Variants in EVI5 observed in about 807,000 individuals in gnomAD.
EVI5 encodes the protein ecotropic viral integration site 5 protein homolog.
A neutral mutation model predicts 112.0 loss-of-function variants in EVI5; 73 were observed. The observed-to-expected ratio is 0.65, with a 90% CI of 0.54 to 0.79. The LOEUF is 0.79. Among genes scored for constraint, EVI5 ranks in the 30% least tolerant of loss-of-function variants. The pLI is 0.00. For synonymous variants in EVI5, 305 were observed against 319.9 expected (o/e 0.95, Z 0.50); for missense variants, 900 against 968.8 (o/e 0.93, Z 0.94).
At chr1:92,739,226 T>G (rs1159948200) in intron 1 of EVI5, among the ~76,000 whole-genome samples, 1 of 121,540 alleles carries the variant, frequency 8.2e-6, no homozygotes, top group Non-Finnish European at 1.6e-5. Flanking sequence ...TGCACCAAGA[T>G]CACGCCACTG....
At chr1:92,669,330 T>C (rs1189096738) in intron 10 of EVI5, among the ~76,000 whole-genome samples, 1 of 151,916 alleles carries the variant, frequency 6.6e-6, no homozygotes, top group African/African-American at 2.4e-5. Context: ...GGTGGATCAC[T>C]TGAGGCCAGA....
upstream of EVI5, among the ~76,000 whole-genome samples, chr1:92,788,583 C>T (rs141844140): frequency 2.6e-3 from 388 of 151,838 alleles, 6 homozygotes; most frequent in East Asian, 0.06. Context: ...ATCACAAGGT[C>T]GGGAGTTCAA....
rs144902580 is a variant in EVI5, at chr1:92,744,413, A to G, written c.-81-7786T>C. Among the ~76,000 whole-genome samples the G allele has an allele frequency of 2.8e-4, 42 of 152,304 alleles. No individual in the cohort carries two copies. The East Asian group carries it at 6.4e-3, about 23-fold the overall frequency. ...CTGAGAGGTGTTGAGGCATCCAACTATAATAGTGAATTTGTCTATTACTCC... is the reference window on the plus strand; with the variant it reads ...CTGAGAGGTGTTGAGGCATCCAACTGTAATAGTGAATTTGTCTATTACTCC... On this transcript the variant is annotated intron_variant, in intron 1 of 19. Transcript: ENST00000684568.
chr1:92,671,844 C>A (rs1349412045), intron 10 of EVI5, among the ~76,000 whole-genome samples: 1 of 151,072 alleles, frequency 6.6e-6, no homozygotes, highest in African/African-American at 2.4e-5. Flanking sequence ...ACTCTGTCAC[C>A]CAGGAAGGAA....
chr1:92,679,045 G>A (rs984335761), intron 9 of EVI5, among the ~76,000 whole-genome samples: 8 of 152,182 alleles, frequency 5.3e-5, no homozygotes, highest in Non-Finnish European at 7.4e-5. Context: ...ACAGCAGGAG[G>A]TGAACGGCAG....
intron 16 of EVI5, among the ~76,000 whole-genome samples, chr1:92,615,277 T>C (rs1375221152): frequency 1.3e-5 from 2 of 152,052 alleles, no homozygotes; most frequent in Non-Finnish European, 2.9e-5. Flanking sequence ...CTGGACAAAT[T>C]GATGAAAGAA....
At chr1:92,583,539 T>G (rs1303048885) in intron 18 of EVI5, among the ~76,000 whole-genome samples, 2 of 131,680 alleles carry the variant, frequency 1.5e-5, no homozygotes, top group Non-Finnish European at 3.2e-5. Context: ...AAAAAAAAAT[T>G]AGATTTTTCA....
intron 9 of EVI5, among the ~76,000 whole-genome samples, chr1:92,692,437 C>T (rs1353090529): frequency 6.6e-6 from 1 of 152,198 alleles, no homozygotes; most frequent in East Asian, 1.9e-4. Context: ...GATGTCTCCA[C>T]ACATGGTAGT....
intron 2 of EVI5, among the ~76,000 whole-genome samples, chr1:92,723,158 T>C (rs938711074): frequency 2.0e-5 from 3 of 152,196 alleles, no homozygotes; most frequent in Non-Finnish European, 1.5e-5. Flanking sequence ...AAAGTAAAAA[T>C]AATCTCAGCA....
chr1:92,770,535 A>T (rs1683227816), intron 1 of EVI5, among the ~76,000 whole-genome samples: 1 of 152,188 alleles, frequency 6.6e-6, no homozygotes. Context: ...TCACGCCTGT[A>T]ATCCCAGCAC....
chr1:92,556,505 T>A (rs1473047566), intron 19 of EVI5, among the ~76,000 whole-genome samples: 1 of 152,208 alleles, frequency 6.6e-6, no homozygotes, highest in African/African-American at 2.4e-5. Flanking sequence ...TTTCCCCTCA[T>A]CATCATAAAC....
intron 1 of EVI5, among the ~76,000 whole-genome samples, chr1:92,764,845 C>A (rs572502949): frequency 6.6e-6 from 1 of 152,032 alleles, no homozygotes; most frequent in South Asian, 2.1e-4. Flanking sequence ...TTACAAATAA[C>A]GAAAATTACC....
chr1:92,720,758 A>G (rs907158589), intron 2 of EVI5, among the ~76,000 whole-genome samples: 2 of 152,224 alleles, frequency 1.3e-5, no homozygotes, highest in Non-Finnish European at 2.9e-5. Context: ...ATGGGAAAAA[A>G]TCTTTGCAAT....
At chr1:92,775,653 T>C (rs1418747577) in intron 1 of EVI5, among the ~76,000 whole-genome samples, 4 of 152,220 alleles carry the variant, frequency 2.6e-5, no homozygotes, top group Non-Finnish European at 1.5e-5. Flanking sequence ...TTCTACGATG[T>C]TCATGCAACA....
chr1:92,633,534 C>T (rs879035959), intron 14 of EVI5, among the ~76,000 whole-genome samples: 2 of 152,146 alleles, frequency 1.3e-5, no homozygotes, highest in Non-Finnish European at 2.9e-5. Flanking sequence ...GGTAGATCTT[C>T]CTCCATCCCT....
chr1:92,524,392 C>A lies in EVI5; in HGVS notation c.2167-10422G>T, dbSNP rs188948196. 3.9e-5 allele frequency among the ~76,000 whole-genome samples: 6 copies of A among 152,254 alleles called. No individual in the cohort carries two copies. The East Asian group carries it at 5.8e-4, about 15-fold the overall frequency. On this transcript the variant is annotated intron_variant, in intron 19 of 19. Transcript: ENST00000684568. ...TTATCACTTCCATTTTCACACTGTC[C>A]ACTGTCATATTTTTAAAATACTCTG...
At chr1:92,699,850 T>C (rs1419855996) in intron 5 of EVI5, among the ~76,000 whole-genome samples, 1 of 152,202 alleles carries the variant, frequency 6.6e-6, no homozygotes, top group Admixed American at 6.5e-5. Flanking sequence ...TTATGCAGTA[T>C]GTAATTATAA....
chr1:92,781,087 T>C (rs996817540), intron 1 of EVI5, among the ~76,000 whole-genome samples: 1 of 151,734 alleles, frequency 6.6e-6, no homozygotes, highest in Non-Finnish European at 1.5e-5. Context: ...CCTGACCTCA[T>C]GATCCGCTCG....
At chr1:92,520,531 C>A (rs575733415) in intron 19 of EVI5, among the ~76,000 whole-genome samples, 1 of 151,964 alleles carries the variant, frequency 6.6e-6, no homozygotes, top group Non-Finnish European at 1.5e-5. Context: ...AATCTTTCCC[C>A]GTGTAAAGAT....
Sources: allele counts gnomAD v4.1 joint callset (sites outside exome capture counted in the v4.1 genomes callset), GRCh38; gene constraint gnomAD v4.1.1; transcripts MANE v1.5; gene names NCBI Gene and HGNC (gene_info 2026-07-23, HGNC 2026-07-21).